Variants in SLC25A21 observed in about 807,000 individuals in gnomAD.
The protein encoded by SLC25A21 is mitochondrial 2-oxodicarboxylate carrier.
In SLC25A21, 47 loss-of-function variants were observed where a neutral mutation model predicts 43.8. The ratio of observed to expected loss-of-function variants is 1.07; its 90% confidence interval spans 0.85 to 1.37. The LOEUF (loss-of-function observed/expected upper bound fraction) is 1.37. Ranked by LOEUF, SLC25A21 falls within the 40% of genes most tolerant of loss-of-function variation. SLC25A21 has a pLI of 0.00. For missense variants in SLC25A21, 352 were observed against 350.2 expected (o/e 1.00, Z -0.04); for synonymous variants, 131 against 121.3 (o/e 1.08, Z -0.52).
At chr14:36,999,619 G>A (rs1253988391) in intron 1 of SLC25A21, among the ~76,000 whole-genome samples, 1 of 152,004 alleles carries the variant, frequency 6.6e-6, no homozygotes, top group Non-Finnish European at 1.5e-5. Context: ...GGAAGTAGAG[G>A]GTATATGAGA....
intron 1 of SLC25A21, among the ~76,000 whole-genome samples, chr14:37,117,744 A>T (rs1018381635): frequency 1.3e-5 from 2 of 152,186 alleles, no homozygotes; most frequent in Non-Finnish European, 2.9e-5. Context: ...CCAAGGCTCA[A>T]TACTGCCATC....
chr14:36,988,498 A>G (rs530495989), intron 1 of SLC25A21, among the ~76,000 whole-genome samples: 1 of 152,276 alleles, frequency 6.6e-6, no homozygotes, highest in South Asian at 2.1e-4. Context: ...GGGAATATAG[A>G]AGCCAAAATG....
At position 37,172,285 on chromosome 14, in the gene SLC25A21, A is replaced by G; in HGVS notation, c.66T>C (p.Ser22=). Residue 22 remains serine, a synonymous_variant, in exon 1 of 10, where the codon TCT becomes TCC. Transcript: ENST00000331299. ...EASRQIVAGG[S]AGLVEICLMH... is the part of the protein sequence containing the mutation. ...GGCAGGGCGGGCTGTCCTTACCTGCAGAACCACCGGCCACGATCTGCCGAG... is the reference window on the plus strand; with the variant it reads ...GGCAGGGCGGGCTGTCCTTACCTGCGGAACCACCGGCCACGATCTGCCGAG... 1.3e-6 allele frequency: 2 copies of G among 1,596,638 alleles called. No individual in the cohort carries two copies. The highest frequency in any genetic ancestry group is 2.7e-5 in the African/African-American group (2 of 74,730).
At chr14:37,169,681 T>C (rs532025630) in intron 1 of SLC25A21, among the ~76,000 whole-genome samples, 2 of 152,146 alleles carry the variant, frequency 1.3e-5, no homozygotes, top group Non-Finnish European at 2.9e-5. Flanking sequence ...TTTGTTTTTA[T>C]TAAAATTCTT....
chr14:37,157,880 CAAAATCA>C (rs1308939046), intron 1 of SLC25A21, among the ~76,000 whole-genome samples: 2 of 151,968 alleles, frequency 1.3e-5, no homozygotes, highest in Non-Finnish European at 2.9e-5. Flanking sequence ...TCCAAATATA[CAAAATCA>C]AAAATCAAAA....
intron 1 of SLC25A21, among the ~76,000 whole-genome samples, chr14:37,145,162 G>C (rs1963640821): frequency 6.6e-6 from 1 of 152,072 alleles, no homozygotes; most frequent in Non-Finnish European, 1.5e-5. Context: ...ATGTTAAGCT[G>C]CCTGCCCAAG....
intron 1 of SLC25A21, among the ~76,000 whole-genome samples, chr14:36,969,221 C>G (rs1959692935): frequency 6.6e-6 from 1 of 152,054 alleles, no homozygotes. Context: ...TGATGCCCAC[C>G]AAAGTTGATG....
intron 1 of SLC25A21, among the ~76,000 whole-genome samples, chr14:37,168,147 T>C (rs1378797066): frequency 6.6e-6 from 1 of 152,046 alleles, no homozygotes; most frequent in African/African-American, 2.4e-5. Context: ...CCATAGACCA[T>C]ATTTTGAGTA....
intron 1 of SLC25A21, among the ~76,000 whole-genome samples, chr14:37,079,247 G>GC (rs1320549187): frequency 1.3e-5 from 2 of 152,104 alleles, no homozygotes; most frequent in South Asian, 2.1e-4. Flanking sequence ...TTTTCTAACT[G>GC]CCTAGTGAAG....
chr14:36,799,134 A>G (rs1348256783), intron 3 of SLC25A21, among the ~76,000 whole-genome samples: 1 of 152,210 alleles, frequency 6.6e-6, no homozygotes, highest in African/African-American at 2.4e-5. Context: ...GATTTCCCCA[A>G]GAATGCCCCA....
At chr14:36,927,553 A>G (rs1214256868) in intron 1 of SLC25A21, among the ~76,000 whole-genome samples, 1 of 152,298 alleles carries the variant, frequency 6.6e-6, no homozygotes, top group African/African-American at 2.4e-5. Flanking sequence ...GGCATTTCCC[A>G]TGGGAATCTG....
intron 2 of SLC25A21, among the ~76,000 whole-genome samples, chr14:36,864,737 T>C (rs1222559997): frequency 6.6e-6 from 1 of 152,188 alleles, no homozygotes; most frequent in African/African-American, 2.4e-5. Flanking sequence ...TCCTTGTTTG[T>C]TTTACTTCAG....
chr14:36,781,495 C>T (rs1887060283), intron 3 of SLC25A21, among the ~76,000 whole-genome samples: 1 of 152,094 alleles, frequency 6.6e-6, no homozygotes, highest in African/African-American at 2.4e-5. Flanking sequence ...TTATCTACTG[C>T]AGGTTTTTGC....
At chr14:36,695,397 C>T (rs372995565) in intron 7 of SLC25A21, among the ~76,000 whole-genome samples, 4 of 152,260 alleles carry the variant, frequency 2.6e-5, no homozygotes, top group South Asian at 2.1e-4. Flanking sequence ...AATGCAGGCT[C>T]TTTTTCGGTT....
intron 2 of SLC25A21, among the ~76,000 whole-genome samples, chr14:36,832,504 T>C (rs1889073560): frequency 6.6e-6 from 1 of 152,128 alleles, no homozygotes; most frequent in Admixed American, 6.6e-5. Flanking sequence ...CTTTTATAGT[T>C]GTAGAGGGAT....
intron 1 of SLC25A21, among the ~76,000 whole-genome samples, chr14:37,037,192 A>T (rs1961346096): frequency 6.6e-6 from 1 of 152,202 alleles, no homozygotes; most frequent in Admixed American, 6.5e-5. Flanking sequence ...ACAATTTACT[A>T]AGAGATGAGT....
chr14:36,811,000 A>AG (rs762231098), intron 3 of SLC25A21, among the ~76,000 whole-genome samples: 2 of 81,850 alleles, frequency 2.4e-5, no homozygotes, highest in Non-Finnish European at 6.0e-5. Context: ...TTAAATGAAG[A>AG]GGGATAGTTT....
chr14:37,088,433 A>G (rs1241039871), intron 1 of SLC25A21, among the ~76,000 whole-genome samples: 1 of 152,256 alleles, frequency 6.6e-6, no homozygotes, highest in African/African-American at 2.4e-5. Context: ...CTCAGTTTTA[A>G]TACTCACAGG....
At chr14:36,920,167 T>C (rs1411286862) in intron 1 of SLC25A21, among the ~76,000 whole-genome samples, 1 of 152,074 alleles carries the variant, frequency 6.6e-6, no homozygotes, top group Non-Finnish European at 1.5e-5. Context: ...CTTACGGCAG[T>C]ACAAAATGTT....
Sources: allele counts gnomAD v4.1 joint callset (sites outside exome capture counted in the v4.1 genomes callset), GRCh38; gene constraint gnomAD v4.1.1; transcripts MANE v1.5; gene names NCBI Gene and HGNC (gene_info 2026-07-23, HGNC 2026-07-21).